CCSER1: variants seen among roughly 807,000 people sequenced by gnomAD.
The protein encoded by CCSER1 is serine-rich coiled-coil domain-containing protein 1.
CCSER1 carries 41 observed loss-of-function variants against 82.0 expected under a neutral mutation model. The observed-to-expected ratio is 0.50, with a 90% CI of 0.39 to 0.65. The LOEUF (loss-of-function observed/expected upper bound fraction) is 0.65, where lower values mean the gene tolerates loss of function less well. Among genes scored for constraint, CCSER1 ranks in the 30% least tolerant of loss-of-function variants. The probability of loss-of-function intolerance (pLI) is 0.00; values close to 1 mark genes in which losing one functional copy is unlikely to be tolerated. For missense variants in CCSER1, 1,119 were observed against 1,064.2 expected, an observed-to-expected ratio of 1.05 and a Z score of -0.72; for synonymous variants, 414 against 383.9, an observed-to-expected ratio of 1.08 and a Z score of -0.92.
chr4:90,997,231 C>T (rs1210203892), intron 9 of CCSER1, among the ~76,000 whole-genome samples: 1 of 151,980 alleles, frequency 6.6e-6, no homozygotes, highest in African/African-American at 2.4e-5. Flanking sequence ...TAAAATGTGT[C>T]CACATTTCTT....
intron 10 of CCSER1, among the ~76,000 whole-genome samples, chr4:91,466,710 A>G (rs1439518142): frequency 2.0e-5 from 3 of 152,192 alleles, no homozygotes; most frequent in South Asian, 2.1e-4. Context: ...TACACCAATA[A>G]GAGACAAACA....
intron 9 of CCSER1, among the ~76,000 whole-genome samples, chr4:90,936,561 A>C (rs28493895): frequency 1.3e-5 from 2 of 151,936 alleles, no homozygotes; most frequent in East Asian, 3.9e-4. Context: ...TTTTCATTAC[A>C]TGTGTGTCTC....
At chr4:91,348,074 A>G (rs1748189760) in intron 10 of CCSER1, among the ~76,000 whole-genome samples, 1 of 152,116 alleles carries the variant, frequency 6.6e-6, no homozygotes, top group South Asian at 2.1e-4. Flanking sequence ...GGAAAAGCAT[A>G]TAGTTTTTCA....
intron 1 of CCSER1, among the ~76,000 whole-genome samples, chr4:90,209,998 G>A (rs766074852): frequency 5.3e-5 from 8 of 151,668 alleles, no homozygotes; most frequent in Non-Finnish European, 1.2e-4. Context: ...TTTCTCTCTC[G>A]GTATCTTGCT....
At chr4:90,793,559 T>G (rs2149670930) in intron 7 of CCSER1, among the ~76,000 whole-genome samples, 1 of 151,898 alleles carries the variant, frequency 6.6e-6, no homozygotes, top group South Asian at 2.1e-4. Context: ...ACATTTTTTC[T>G]ATCCAGTCTG....
At chr4:90,569,754 G>A (rs761113384) in intron 5 of CCSER1, among the ~76,000 whole-genome samples, 1 of 152,180 alleles carries the variant, frequency 6.6e-6, no homozygotes, top group African/African-American at 2.4e-5. Context: ...GTGCTGAGTG[G>A]CTACAGCTCC....
chr4:90,662,802 A>G (rs1731071442), intron 6 of CCSER1, among the ~76,000 whole-genome samples: 1 of 152,150 alleles, frequency 6.6e-6, no homozygotes, highest in Non-Finnish European at 1.5e-5. Flanking sequence ...CTGGTACTCT[A>G]CAAATTTCAA....
intron 6 of CCSER1, among the ~76,000 whole-genome samples, chr4:90,708,360 G>T (rs528335718): frequency 2.0e-5 from 3 of 152,122 alleles, no homozygotes; most frequent in African/African-American, 7.2e-5. Flanking sequence ...ATGTGATCCT[G>T]CTAGCAAAAG....
chr4:90,184,537 G>A (rs148576256), intron 1 of CCSER1, among the ~76,000 whole-genome samples: 6 of 152,226 alleles, frequency 3.9e-5, no homozygotes, highest in African/African-American at 1.2e-4. Flanking sequence ...GCAACAGACT[G>A]AACATGTAGC....
intron 7 of CCSER1, among the ~76,000 whole-genome samples, chr4:90,749,425 G>A (rs1374219093): frequency 1.3e-5 from 2 of 151,802 alleles, no homozygotes; most frequent in Non-Finnish European, 2.9e-5. Context: ...GTACCATGCT[G>A]TTTTGGTTAC....
chr4:90,592,512 G>A (rs1782836475), intron 5 of CCSER1, among the ~76,000 whole-genome samples: 1 of 152,012 alleles, frequency 6.6e-6, no homozygotes, highest in African/African-American at 2.4e-5. Context: ...CTCAATTTTG[G>A]GACTTCACCT....
At chr4:91,069,155 A>G (rs921353149) in intron 9 of CCSER1, among the ~76,000 whole-genome samples, 1 of 152,068 alleles carries the variant, frequency 6.6e-6, no homozygotes. Context: ...AGAGTGAGAC[A>G]TCATCTCAAA....
intron 9 of CCSER1, among the ~76,000 whole-genome samples, chr4:91,074,034 G>A (rs1191764978): frequency 6.6e-6 from 1 of 152,134 alleles, no homozygotes; most frequent in Non-Finnish European, 1.5e-5. Flanking sequence ...AAAGCAAGCA[G>A]GCCAGAAGTG....
chr4:90,261,964 ATATC>A (rs1480487607), intron 1 of CCSER1, among the ~76,000 whole-genome samples: 4 of 151,934 alleles, frequency 2.6e-5, no homozygotes, highest in Admixed American at 2.0e-4. Flanking sequence ...TTTCTTTAAG[ATATC>A]TATCTGTCTG....
At chr4:90,198,134 A>G (rs1456220359) in intron 1 of CCSER1, among the ~76,000 whole-genome samples, 2 of 152,184 alleles carry the variant, frequency 1.3e-5, no homozygotes, top group East Asian at 1.9e-4. Flanking sequence ...TGGAGTCTTC[A>G]TTACCTAGGC....
At chr4:91,150,695 G>T (rs1488881714) in intron 10 of CCSER1, among the ~76,000 whole-genome samples, 2 of 152,130 alleles carry the variant, frequency 1.3e-5, no homozygotes, top group Non-Finnish European at 2.9e-5. Flanking sequence ...AGCATGAAGG[G>T]TTGTTGAATT....
chr4:90,234,240 G>C (rs1249264428), intron 1 of CCSER1, among the ~76,000 whole-genome samples: 2 of 150,218 alleles, frequency 1.3e-5, no homozygotes, highest in East Asian at 3.9e-4. Context: ...TTTTGAGATG[G>C]TGTCTCGCTC....
Position 90,254,978 on chromosome 4 carries a change from AACACAC to A in CCSER1, c.-41-53239_-41-53234del, listed in dbSNP as rs142987718. ...TGATATACATATCAACATATATATC[AACACAC>A]ACACACACACACACACACACACACA... is the stretch of plus-strand genomic sequence containing the variant. On this transcript the variant is annotated intron_variant, in intron 1 of 10. Coordinates refer to ENST00000509176, the MANE Select transcript of CCSER1 (RefSeq NM_001145065.2). Among the ~76,000 whole-genome samples, 1,098 of 143,012 alleles carry A rather than the reference AACACAC, an allele frequency of 7.7e-3. 7 individuals are homozygous for A. Among genetic ancestry groups the A allele is most frequent in the African/African-American group, 0.026 (1,009 of 39,518 alleles). 93.8% of individuals were successfully genotyped at this position (143,012 alleles called of 152,430 possible). A position where few individuals can be genotyped will look rare whatever the true frequency, so the allele number is the denominator to read the frequency against.
intron 8 of CCSER1, among the ~76,000 whole-genome samples, chr4:90,821,576 T>C (rs1356374812): frequency 6.6e-6 from 1 of 152,226 alleles, no homozygotes; most frequent in Non-Finnish European, 1.5e-5. Context: ...TTTACTAATT[T>C]AATTTATTAA....
Sources: gnomAD v4.1 joint callset for allele counts (sites outside exome capture counted in the v4.1 genomes callset) on GRCh38, gnomAD v4.1.1 for gene constraint, MANE v1.5 for transcripts, NCBI Gene and HGNC (gene_info 2026-07-23, HGNC 2026-07-21) for gene names.